The following MYBL1 variants were observed in gnomAD, a reference collection of about 807,000 sequenced individuals.
The protein encoded by MYBL1 is MYB proto-oncogene like 1.
A neutral mutation model predicts 96.3 loss-of-function variants in MYBL1; 17 were observed. That is an observed-to-expected ratio of 0.18 (90% CI 0.12 to 0.26). MYBL1 has a LOEUF of 0.26. Among genes scored for constraint, MYBL1 ranks in the 10% least tolerant of loss-of-function variants. The pLI is 1.00. For missense variants in MYBL1, 701 were observed against 882.9 expected, an observed-to-expected ratio of 0.79 and a Z score of 2.61; for synonymous variants, 282 against 292.7, an observed-to-expected ratio of 0.96 and a Z score of 0.37.
At chr8:66,585,641 G>C (rs1487312111) in intron 8 of MYBL1, among the ~76,000 whole-genome samples, 1 of 152,134 alleles carries the variant, frequency 6.6e-6, no homozygotes, top group Non-Finnish European at 1.5e-5. Context: ...TACTCAGGAG[G>C]CTGAGGCAGG....
At chr8:66,606,975 TAG>T (rs1810338781) in intron 1 of MYBL1, among the ~76,000 whole-genome samples, 2 of 152,106 alleles carry the variant, frequency 1.3e-5, no homozygotes, top group Admixed American at 6.6e-5. Context: ...ATTTTTTTCG[TAG>T]AGACGGGGTT....
intron 4 of MYBL1, 132 bp from the exon 5 acceptor site, chr8:66,597,682 A>G: frequency 1.6e-6 from 1 of 617,160 alleles, no homozygotes; most frequent in Non-Finnish European, 2.7e-6. Flanking sequence ...AAAAATTACC[A>G]ATAAATACCC....
chr8:66,611,874 G>A (rs1400852219), intron 1 of MYBL1, among the ~76,000 whole-genome samples: 1 of 152,190 alleles, frequency 6.6e-6, no homozygotes, highest in East Asian at 1.9e-4. Flanking sequence ...AGATTTTGGG[G>A]CTGTGGATCT....
intron 8 of MYBL1, among the ~76,000 whole-genome samples, chr8:66,590,497 C>T (rs976803093): frequency 8.6e-5 from 13 of 151,306 alleles, no homozygotes; most frequent in Non-Finnish European, 1.5e-4. Flanking sequence ...TGGTACATGC[C>T]TGTAATCCCA....
intron 1 of MYBL1, among the ~76,000 whole-genome samples, chr8:66,604,451 G>C (rs1326623002): frequency 6.6e-6 from 1 of 151,436 alleles, no homozygotes; most frequent in Non-Finnish European, 1.5e-5. Context: ...TGTACCCAGT[G>C]AGCCAAGACT....
intron 1 of MYBL1, among the ~76,000 whole-genome samples, chr8:66,609,133 A>G (rs1190819662): frequency 6.6e-6 from 1 of 152,088 alleles, no homozygotes; most frequent in Non-Finnish European, 1.5e-5. Flanking sequence ...ATTGGTGTAC[A>G]AGCTAACAGG....
chr8:66,603,664 C>G (rs1442083784), intron 1 of MYBL1, among the ~76,000 whole-genome samples: 1 of 151,642 alleles, frequency 6.6e-6, no homozygotes, highest in East Asian at 1.9e-4. Flanking sequence ...CTAATTTTTT[C>G]TATTTTTTGT....
At chr8:66,592,382 A>G in intron 8 of MYBL1, 58 bp downstream of exon 8, 1 of 1,138,186 alleles carries the variant, frequency 8.8e-7, no homozygotes, top group Non-Finnish European at 1.3e-6. Flanking sequence ...GCTGATAAAA[A>G]TGACAAAAAG....
intron 9 of MYBL1, among the ~76,000 whole-genome samples, chr8:66,576,901 T>C (rs1808976324): frequency 1.3e-5 from 2 of 152,198 alleles, no homozygotes; most frequent in Admixed American, 6.5e-5. Context: ...GCTTCATCCC[T>C]GGGATGCAAG....
intron 14 of MYBL1, among the ~76,000 whole-genome samples, chr8:66,566,460 AGATAT>A (rs746233273): frequency 2.6e-5 from 4 of 152,134 alleles, no homozygotes; most frequent in Admixed American, 6.5e-5. Flanking sequence ...TTTTGACATC[AGATAT>A]AAGGCAGCTA....
intron 12 of MYBL1, among the ~76,000 whole-genome samples, chr8:66,567,647 A>G (rs970068244): frequency 1.3e-5 from 2 of 152,202 alleles, no homozygotes; most frequent in African/African-American, 2.4e-5. Flanking sequence ...TTTCTGTCAA[A>G]TAGGTAAGCA....
At position 66,578,051 on chromosome 8, in the gene MYBL1, C is replaced by T. The variant is rs532657866; in HGVS notation, c.1102-1676G>A. Among the ~76,000 whole-genome samples, 232 of 152,208 alleles carry T rather than the reference C, an allele frequency of 1.5e-3. 1 individual carries two copies. The highest frequency in any genetic ancestry group is 5.5e-3 in the African/African-American group (227 of 41,518). On this transcript the variant is annotated intron_variant, in intron 9 of 15. Coordinates refer to ENST00000522677, the MANE Select transcript of MYBL1 (RefSeq NM_001080416.4). ...TATGCAGAAAGCTGAAACTGGATCC[C>T]TTCCTTACACCTTATACAAAAATTA...
intron 8 of MYBL1, among the ~76,000 whole-genome samples, chr8:66,582,501 T>C (rs1809252683): frequency 7.1e-6 from 1 of 141,836 alleles, no homozygotes; most frequent in African/African-American, 2.8e-5. Context: ...GCTCAGGAGT[T>C]TGAAACCAGC....
At chr8:66,583,569 C>T (rs965548007) in intron 8 of MYBL1, among the ~76,000 whole-genome samples, 15 of 151,586 alleles carry the variant, frequency 9.9e-5, no homozygotes, top group Non-Finnish European at 1.9e-4. Flanking sequence ...TGACAAACTG[C>T]TGGCCAGACT....
At chr8:66,571,147 G>A (rs1453491116) in intron 12 of MYBL1, among the ~76,000 whole-genome samples, 1 of 152,122 alleles carries the variant, frequency 6.6e-6, no homozygotes, top group East Asian at 1.9e-4. Context: ...TTTAAAAATC[G>A]TATTTCTAAA....
chr8:66,584,469 C>A (rs997928044), intron 8 of MYBL1, among the ~76,000 whole-genome samples: 2 of 152,134 alleles, frequency 1.3e-5, no homozygotes, highest in African/African-American at 4.8e-5. Context: ...ATATAGAAAA[C>A]CCTATAACCC....
chr8:66,596,271 C>T (rs1301599954), intron 5 of MYBL1, among the ~76,000 whole-genome samples: 1 of 152,088 alleles, frequency 6.6e-6, no homozygotes, highest in African/African-American at 2.4e-5. Flanking sequence ...AAAAGCAAAT[C>T]ACAAACTAAA....
intron 12 of MYBL1, among the ~76,000 whole-genome samples, chr8:66,568,293 T>C (rs1373549968): frequency 2.6e-5 from 4 of 152,126 alleles, no homozygotes; most frequent in Non-Finnish European, 5.9e-5. Context: ...CTTATTTATT[T>C]ATTGAGATGG....
chr8:66,580,816 A>G (rs542202938), intron 8 of MYBL1, among the ~76,000 whole-genome samples: 1 of 151,134 alleles, frequency 6.6e-6, no homozygotes, highest in African/African-American at 2.4e-5. Flanking sequence ...CCCTCTATCT[A>G]TTAATAAAAT....
Sources: gnomAD v4.1 joint callset for allele counts (sites outside exome capture counted in the v4.1 genomes callset) on GRCh38, gnomAD v4.1.1 for gene constraint, MANE v1.5 for transcripts, NCBI Gene and HGNC (gene_info 2026-07-23, HGNC 2026-07-21) for gene names.